Variants in STEAP3 observed in about 807,000 individuals in gnomAD.
STEAP3 encodes STEAP3 metalloreductase.
A neutral mutation model predicts 34.9 loss-of-function variants in STEAP3; 35 were observed. The observed-to-expected ratio is 1.00, with a 90% CI of 0.76 to 1.33. STEAP3 has a LOEUF of 1.33. STEAP3 is among the 40% of genes most tolerant of loss of function. The pLI, the probability that STEAP3 is intolerant of heterozygous loss-of-function variation, is 0.00. For synonymous variants in STEAP3, 281 were observed against 301.6 expected, an observed-to-expected ratio of 0.93 and a Z score of 0.71; for missense variants, 652 against 667.6, an observed-to-expected ratio of 0.98 and a Z score of 0.26.
In STEAP3 at chr2:119,254,707, C is replaced by T; in HGVS notation, c.1074C>T (p.Leu358=). 6.2e-7 allele frequency: 1 copy of T among 1,614,182 alleles called. No homozygotes were observed. Among genetic ancestry groups the T allele is most frequent in the Non-Finnish European group, 8.5e-7 (1 of 1,180,020 alleles). Reference sequence around the variant, plus strand: ...AGGTCTTGGCCAACAAGAGCCACCTCTGGGTGGAGGAGGAGGTCTGGCGGA... The same window carrying T: ...AGGTCTTGGCCAACAAGAGCCACCTTTGGGTGGAGGAGGAGGTCTGGCGGA... The part of the protein sequence containing the change: ...VKQVLANKSH[L]WVEEEVWRME... Residue 358 remains leucine, a synonymous_variant, in exon 5 of 6, where the codon CTC becomes CTT. Transcript: ENST00000393110.
At position 119,229,452 on chromosome 2, in the gene STEAP3, C is replaced by G. The variant is rs146651346; in HGVS notation, c.-393-1168C>G. 7.9e-5 allele frequency among the ~76,000 whole-genome samples: 12 copies of G among 152,324 alleles called. No homozygotes were observed. In the East Asian group the frequency reaches 1.9e-3, roughly 24 times the overall value. On this transcript the variant is annotated intron_variant, in intron 1 of 5. Coordinates refer to ENST00000393110, the MANE Select transcript of STEAP3 (RefSeq NM_182915.3). ...AGGGGCCACGTGCAGTGAGTGGCCA[C>G]AGCAGAGCAAGGAAAGGTGCACACA...
rs2104824109 is a variant in STEAP3 at position 119,247,710 on chromosome 2, A to G, written c.554A>G (p.Lys185Arg). 1 of 1,552,758 alleles carries G rather than the reference A, an allele frequency of 6.4e-7. No individual in the cohort carries two copies. The highest frequency in any genetic ancestry group is 1.9e-5 in the Admixed American group (1 of 53,592). The change falls in exon 4 of 6, where the codon AAG becomes AGG. Residue 185 changes from lysine (K) to arginine (R), a missense_variant. Transcript: ENST00000393110. ...VPICGDQPEA[K>R]RAVSEMALAM... ...ATCTGCGGTGACCAGCCAGAAGCCAAGCGTGCTGTCTCGGAGATGGCGCTC... is the reference window on the plus strand; with the variant it reads ...ATCTGCGGTGACCAGCCAGAAGCCAGGCGTGCTGTCTCGGAGATGGCGCTC...
chr2:119,263,472 C>A lies in STEAP3; in HGVS notation c.*134C>A, dbSNP rs940941705. 12 of 1,161,142 alleles carry A rather than the reference C, an allele frequency of 1.0e-5. No homozygotes were observed. The highest frequency in any genetic ancestry group is 1.4e-5 in the Non-Finnish European group (11 of 804,514). The allele number at this position is 1,161,142 out of a possible 1,614,324, so 71.9% of individuals were successfully genotyped here. On this transcript the variant is annotated 3_prime_UTR_variant, in exon 6 of 6. Transcript: ENST00000393110. ...AGGTTTGAGGTCCAAATTCCTGGGACTCAAATGTATGCAGTACTATTCAGA... is the reference window on the plus strand; with the variant it reads ...AGGTTTGAGGTCCAAATTCCTGGGAATCAAATGTATGCAGTACTATTCAGA...
At chr2:119,250,123 T>C (rs1473216648) in intron 4 of STEAP3, among the ~76,000 whole-genome samples, 2 of 152,244 alleles carry the variant, frequency 1.3e-5, no homozygotes, top group Admixed American at 6.5e-5. Context: ...TCCAGATCCA[T>C]GCTTATACCC....
In STEAP3 at chr2:119,254,818, G is replaced by C. The variant is rs370256319; in HGVS notation, c.1185G>C (p.Ser395=). The C allele has an allele frequency of 2.5e-6, 4 of 1,613,990 alleles. No homozygotes were observed. The highest frequency in any genetic ancestry group is 2.7e-5 in the African/African-American group (2 of 74,914). Reference sequence around the variant, plus strand: ...CCTCACTGCCGTCCATTGCAAACTCGCTCAACTGGAGGGAGTTCAGCTTCG... The same window carrying C: ...CCTCACTGCCGTCCATTGCAAACTCCCTCAACTGGAGGGAGTTCAGCTTCG... The part of the protein sequence containing the change: ...AVTSLPSIAN[S]LNWREFSFVQ... The change falls in exon 5 of 6, where the codon TCG becomes TCC. Residue 395 remains serine (S), a synonymous_variant. Coordinates refer to ENST00000393110, the MANE Select transcript of STEAP3 (RefSeq NM_182915.3).
rs1424688961 is a variant in STEAP3, at chr2:119,223,877, CG to C, written c.-402del. ...CAGCTGCCGCGGTCGCTCCGAGCGG[CG>C]GGCCGCAGAGGTGAGTGTACCCTCC... On this transcript the variant is annotated 5_prime_UTR_variant, in exon 1 of 6. Coordinates refer to ENST00000393110, the MANE Select transcript of STEAP3 (RefSeq NM_182915.3). 6.6e-6 allele frequency: 1 copy of C among 152,208 alleles called. No individual in the cohort carries two copies. The allele number at this position is 152,208 out of a possible 1,614,324, so 9.4% of individuals were successfully genotyped here.
At chr2:119,257,255 C>T (rs974540737) in intron 5 of STEAP3, among the ~76,000 whole-genome samples, 1 of 152,220 alleles carries the variant, frequency 6.6e-6, no homozygotes, top group Non-Finnish European at 1.5e-5. Context: ...GCAAATGTAG[C>T]ATACCTCGTT....
chr2:119,247,876 C>A lies in STEAP3; in HGVS notation c.720C>A (p.Asn240Lys), dbSNP rs1265224900. 6.2e-7 allele frequency: 1 copy of A among 1,613,910 alleles called. No homozygotes were observed. The highest frequency in any genetic ancestry group is 8.5e-7 in the Non-Finnish European group (1 of 1,179,996). Residue 240 changes from asparagine (N) to lysine (K), a missense_variant, in exon 4 of 6, where the codon AAC becomes AAA. Asn to Lys is a moderately conservative substitution (Grantham distance 94, BLOSUM62 0). Coordinates refer to ENST00000393110, the MANE Select transcript of STEAP3 (RefSeq NM_182915.3). ...LGLFVCFYAY[N>K]FVRDVLQPYV... ...TCTTCGTCTGCTTCTATGCCTACAACTTCGTCCGGGACGTTCTGCAGCCCT... is the reference window on the plus strand; with the variant it reads ...TCTTCGTCTGCTTCTATGCCTACAAATTCGTCCGGGACGTTCTGCAGCCCT...
At chr2:119,249,593 G>T (rs1677561472) in intron 4 of STEAP3, among the ~76,000 whole-genome samples, 1 of 152,052 alleles carries the variant, frequency 6.6e-6, no homozygotes, top group Admixed American at 6.5e-5. Flanking sequence ...AGGGACCTTG[G>T]TGAGGCTGGG....
At chr2:119,238,184 G>T (rs1249466330) in intron 2 of STEAP3, among the ~76,000 whole-genome samples, 2 of 152,184 alleles carry the variant, frequency 1.3e-5, no homozygotes, top group African/African-American at 4.8e-5. Context: ...TGGAGTTGCT[G>T]GGTCATATAG....
At chr2:119,245,172 T>G in intron 2 of STEAP3, 2 of 365,062 alleles carry the variant, frequency 5.5e-6, no homozygotes, top group East Asian at 4.5e-5. Flanking sequence ...CTGCATCACA[T>G]TGGTCATGGA....
At chr2:119,254,629 C>T in intron 4 of STEAP3, 55 bp from the exon 5 acceptor site, 1 of 1,604,776 alleles carries the variant, frequency 6.2e-7, no homozygotes, top group Admixed American at 1.7e-5. Context: ...TCATTGCCCT[C>T]CCGGGGCACC....
At chr2:119,233,420 T>C (rs925393567) in intron 2 of STEAP3, among the ~76,000 whole-genome samples, 1 of 152,228 alleles carries the variant, frequency 6.6e-6, no homozygotes, top group Non-Finnish European at 1.5e-5. Context: ...GGTCTAACAA[T>C]GTCACCAAGC....
intron 2 of STEAP3, among the ~76,000 whole-genome samples, chr2:119,231,822 G>C (rs1289016033): frequency 6.6e-6 from 1 of 152,110 alleles, no homozygotes; most frequent in East Asian, 1.9e-4. Flanking sequence ...AAGGGAAAAT[G>C]CCCACAGAGA....
In STEAP3 at chr2:119,254,782, G is replaced by C; in HGVS notation, c.1149G>C (p.Leu383=). 6.2e-7 allele frequency: 1 copy of C among 1,614,178 alleles called. No individual in the cohort carries two copies. ...LGVLALGTLS[L]LAVTSLPSIA... is the part of the protein sequence containing the mutation. ...TGCTGGCCCTCGGCACGTTGTCCCT[G>C]CTGGCCGTGACCTCACTGCCGTCCA... The change falls in exon 5 of 6, where the codon CTG becomes CTC. Residue 383 remains leucine (L), a synonymous_variant. Coordinates refer to ENST00000393110, the MANE Select transcript of STEAP3 (RefSeq NM_182915.3).
chr2:119,231,246 C>T lies in STEAP3; in HGVS notation c.22+212C>T, dbSNP rs1052193823. Reference sequence around the variant, plus strand: ...AAATGGGAAATATGTATCAGCTGCACGTTTTCATGGCCCCCTTTGGAGGAA... The same window carrying T: ...AAATGGGAAATATGTATCAGCTGCATGTTTTCATGGCCCCCTTTGGAGGAA... On this transcript the variant is annotated intron_variant, in intron 2 of 5. Coordinates refer to ENST00000393110, the MANE Select transcript of STEAP3 (RefSeq NM_182915.3). 5.9e-5 allele frequency among the ~76,000 whole-genome samples: 9 copies of T among 152,166 alleles called. No individual in the cohort carries two copies. In the East Asian group the frequency reaches 9.6e-4, roughly 16 times the overall value.
chr2:119,258,997 C>CA (rs372618371), intron 5 of STEAP3, among the ~76,000 whole-genome samples: 142,522 of 151,840 alleles, frequency 0.94, 66,949 homozygotes, highest in East Asian at 1. Context: ...CCAGTTTTAA[C>CA]TGGCTGTTAG....
chr2:119,244,437 C>T (rs1348972621), intron 2 of STEAP3: 2 of 151,640 alleles, frequency 1.3e-5, no homozygotes, highest in Non-Finnish European at 2.9e-5. Context: ...TGGGACCTCC[C>T]TGTGTGGCCC....
chr2:119,239,448 A>C (rs1353036928), intron 2 of STEAP3: 1 of 152,170 alleles, frequency 6.6e-6, no homozygotes, highest in Non-Finnish European at 1.5e-5. Flanking sequence ...TTGTATTTTT[A>C]GTAGAGATGG....
Sources: gnomAD v4.1 joint callset for allele counts (sites outside exome capture counted in the v4.1 genomes callset) on GRCh38, gnomAD v4.1.1 for gene constraint, MANE v1.5 for transcripts, NCBI Gene and HGNC (gene_info 2026-07-23, HGNC 2026-07-21) for gene names.